The following COG6 variants were observed in gnomAD, a reference collection of about 807,000 sequenced individuals.
The protein encoded by COG6 is conserved oligomeric Golgi complex subunit 6.
In COG6, 74 loss-of-function variants were observed where a neutral mutation model predicts 88.8. The ratio of observed to expected loss-of-function variants is 0.83; its 90% CI spans 0.69 to 1.01. COG6 has a LOEUF of 1.01. COG6 is among the 50% of genes least tolerant of loss of function. The pLI, the probability that COG6 is intolerant of heterozygous loss-of-function variation, is 0.00. For missense variants in COG6, 800 were observed against 797.9 expected (o/e 1.00, Z -0.03); for synonymous variants, 286 against 278.7 (o/e 1.03, Z -0.26).
At chr13:39,791,128 G>C (rs1180413993) in exon 19 of COG6, 1 of 151,942 alleles carries the variant, frequency 6.6e-6, no homozygotes, top group Non-Finnish European at 1.5e-5. Context: ...GCAAGAAGCT[G>C]GTATACTTAC....
At chr13:39,704,294 G>C (rs934732707) in intron 13 of COG6, among the ~76,000 whole-genome samples, 1 of 152,134 alleles carries the variant, frequency 6.6e-6, no homozygotes, top group African/African-American at 2.4e-5. Flanking sequence ...AAAAATCTGC[G>C]TGTGACTTTC....
chr13:39,711,132 GT>G, intron 13 of COG6, among the ~76,000 whole-genome samples: 1 of 151,964 alleles, frequency 6.6e-6, no homozygotes, highest in South Asian at 2.1e-4. Flanking sequence ...AGAATCACCG[GT>G]TTGAAAAGTT....
chr13:39,760,733 G>A (rs1045228738), intron 18 of COG6, among the ~76,000 whole-genome samples: 1 of 152,014 alleles, frequency 6.6e-6, no homozygotes, highest in Non-Finnish European at 1.5e-5. Flanking sequence ...TTTGGGGAAT[G>A]GTGCAGAATT....
At chr13:39,667,573 AGTACTTT>A in intron 4 of COG6, among the ~76,000 whole-genome samples, 1 of 152,330 alleles carries the variant, frequency 6.6e-6, no homozygotes, top group African/African-American at 2.4e-5. Flanking sequence ...TCAGTTTTCT[AGTACTTT>A]TCAGAGCATC....
At chr13:39,675,099 A>C (rs1048677590) in intron 4 of COG6, among the ~76,000 whole-genome samples, 1 of 152,044 alleles carries the variant, frequency 6.6e-6, no homozygotes, top group African/African-American at 2.4e-5. Context: ...ATTATTATTT[A>C]TTTATATAAT....
chr13:39,703,973 A>C (rs1877735487), intron 13 of COG6, among the ~76,000 whole-genome samples: 1 of 151,432 alleles, frequency 6.6e-6, no homozygotes, highest in Non-Finnish European at 1.5e-5. Flanking sequence ...GCCTCAGGTG[A>C]TCCTCCTGCC....
intron 12 of COG6, among the ~76,000 whole-genome samples, chr13:39,696,491 G>A (rs985766988): frequency 3.3e-5 from 5 of 151,802 alleles, no homozygotes; most frequent in Admixed American, 2.0e-4. Context: ...ATATGAAGGA[G>A]TTGGGCATGA....
rs1269710528 is a variant in COG6 at position 39,751,408 on chromosome 13, T to TA, written c.*316dup. ...ATGAAAGGTTTGAAGAATTTTTTTT[T>TA]ACAAGACTAGTTCTAAATTAACAGC... is the stretch of plus-strand genomic sequence containing the variant. On this transcript the variant is annotated 3_prime_UTR_variant, in exon 19 of 19. Transcript: ENST00000455146. The TA allele has an allele frequency of 7.6e-7, 1 of 1,314,360 alleles. No individual in the cohort carries two copies. Among genetic ancestry groups the TA allele is most frequent in the East Asian group, 4.6e-5 (1 of 21,538 alleles). 81.4% of individuals were successfully genotyped at this position (1,314,360 alleles called of 1,614,324 possible).
chr13:39,729,875 T>A (rs1234286110), intron 18 of COG6, among the ~76,000 whole-genome samples: 2 of 152,188 alleles, frequency 1.3e-5, no homozygotes, highest in Admixed American at 6.5e-5. Context: ...TTTCTTAGTC[T>A]TGGTAATAGT....
intron 18 of COG6, among the ~76,000 whole-genome samples, chr13:39,765,373 C>G (rs780475140): frequency 2.0e-5 from 3 of 152,212 alleles, no homozygotes; most frequent in Non-Finnish European, 2.9e-5. Flanking sequence ...ACTTATCCTT[C>G]TCTCCCAGAC....
intron 4 of COG6, among the ~76,000 whole-genome samples, chr13:39,667,836 A>G (rs558506033): frequency 6.6e-6 from 1 of 152,230 alleles, no homozygotes; most frequent in Admixed American, 6.5e-5. Context: ...TAAGAAGGAC[A>G]TGATGGCTGT....
intron 4 of COG6, among the ~76,000 whole-genome samples, chr13:39,666,350 A>G (rs1293430750): frequency 6.6e-6 from 1 of 152,212 alleles, no homozygotes; most frequent in African/African-American, 2.4e-5. Flanking sequence ...GCAGTGGGCT[A>G]TGATAGTGCC....
chr13:39,749,929 A>C (rs1593472359), intron 18 of COG6, among the ~76,000 whole-genome samples: 2 of 152,192 alleles, frequency 1.3e-5, no homozygotes, highest in Middle Eastern at 3.4e-3. Flanking sequence ...TTGATCTAAC[A>C]ACAGTGCCTA....
At chr13:39,788,912 AAT>A (rs1314174396) in exon 19 of COG6, 1 of 153,922 alleles carries the variant, frequency 6.5e-6, no homozygotes, top group Non-Finnish European at 1.4e-5. Context: ...GGATGATTAA[AAT>A]ATACTCACTT....
intron 18 of COG6, among the ~76,000 whole-genome samples, chr13:39,727,997 C>A (rs1428325842): frequency 6.6e-6 from 1 of 151,904 alleles, no homozygotes; most frequent in African/African-American, 2.4e-5. Flanking sequence ...TTCAGGACAC[C>A]AAATCATACA....
At chr13:39,726,725 A>G (rs1288749005) in intron 17 of COG6, among the ~76,000 whole-genome samples, 1 of 151,976 alleles carries the variant, frequency 6.6e-6, no homozygotes, top group East Asian at 1.9e-4. Context: ...CCAGTCCTAC[A>G]TGATCTCTAC....
chr13:39,785,768 T>C (rs181178759), intron 18 of COG6, among the ~76,000 whole-genome samples: 188 of 152,332 alleles, frequency 1.2e-3, no homozygotes, highest in African/African-American at 4.2e-3. Flanking sequence ...ACATCTTGCT[T>C]TTCTAGTTTA....
At position 39,684,326 on chromosome 13, in the gene COG6, G is replaced by T. The variant is rs973539736; in HGVS notation, c.788+2062G>T. Among the ~76,000 whole-genome samples, 4 of 125,932 alleles carry T rather than the reference G, an allele frequency of 3.2e-5. No individual in the cohort carries two copies. In the East Asian group the frequency reaches 9.9e-4, roughly 31 times the overall value. 82.6% of individuals were successfully genotyped at this position (125,932 alleles called of 152,430 possible). A position where few individuals can be genotyped will look rare whatever the true frequency, so the allele number is the denominator to read the frequency against. ...TGCAGTGACGCAATCTCGGCTCACT[G>T]CAGGCTCCGCCCCCTGGGGTTCACG... is the stretch of plus-strand genomic sequence containing the variant. On this transcript the variant is annotated intron_variant, in intron 8 of 18. Transcript: ENST00000455146.
intron 18 of COG6, among the ~76,000 whole-genome samples, chr13:39,786,984 C>T (rs531971443): frequency 2.6e-5 from 4 of 152,220 alleles, no homozygotes; most frequent in Non-Finnish European, 4.4e-5. Context: ...ACATTATGAG[C>T]CCCAAGAGAT....
Sources: gnomAD v4.1 joint callset for allele counts (sites outside exome capture counted in the v4.1 genomes callset) on GRCh38, gnomAD v4.1.1 for gene constraint, MANE v1.5 for transcripts, NCBI Gene and HGNC (gene_info 2026-07-23, HGNC 2026-07-21) for gene names.